Variants in CACNG2 observed in about 807,000 individuals in gnomAD.
CACNG2 encodes voltage-dependent calcium channel gamma-2 subunit.
CACNG2 carries 3 observed loss-of-function variants against 25.9 expected under a neutral mutation model. That is an observed-to-expected ratio of 0.12 (90% CI 0.05 to 0.30). The LOEUF (loss-of-function observed/expected upper bound fraction) is 0.30. Ranked by LOEUF, CACNG2 falls within the 10% of genes least tolerant of loss-of-function variation. The pLI, the probability that CACNG2 is intolerant of heterozygous loss-of-function variation, is 1.00. For missense variants in CACNG2, 341 were observed against 432.5 expected, an observed-to-expected ratio of 0.79 and a Z score of 1.88; for synonymous variants, 167 against 173.3, an observed-to-expected ratio of 0.96 and a Z score of 0.29.
intron 1 of CACNG2, among the ~76,000 whole-genome samples, chr22:36,657,767 G>T (rs73884126): frequency 0.1 from 14,555 of 146,190 alleles, 2,324 homozygotes; most frequent in African/African-American, 0.34. Flanking sequence ...AGGTCTGTGT[G>T]TTTCCTTTGC....
At chr22:36,657,538 C>G (rs1436373511) in intron 1 of CACNG2, among the ~76,000 whole-genome samples, 3 of 152,010 alleles carry the variant, frequency 2.0e-5, no homozygotes, top group Non-Finnish European at 4.4e-5. Context: ...GCCGGAATTG[C>G]TTTTATTGGA....
chr22:36,673,441 C>T (rs998368834), intron 1 of CACNG2, among the ~76,000 whole-genome samples: 4 of 152,156 alleles, frequency 2.6e-5, no homozygotes, highest in Non-Finnish European at 5.9e-5. Context: ...GTGGATGGTA[C>T]CTTGCCTATG....
chr22:36,651,533 A>ACAAG (rs1936615478), intron 1 of CACNG2, among the ~76,000 whole-genome samples: 2 of 151,660 alleles, frequency 1.3e-5, no homozygotes, highest in Admixed American at 6.6e-5. Flanking sequence ...CTGGCCAATA[A>ACAAG]TTTCTTATTC....
At position 36,660,804 on chromosome 22, in the gene CACNG2, C is replaced by T. The variant is rs369730094; in HGVS notation, c.211+41562G>A. On this transcript the variant is annotated intron_variant, in intron 1 of 3. Transcript: ENST00000300105. ...GCCCAGAGCCTTCCCTCATCCCAGTCCTCACTCACAACCTACTCTGCTAAA... is the reference window on the plus strand; with the variant it reads ...GCCCAGAGCCTTCCCTCATCCCAGTTCTCACTCACAACCTACTCTGCTAAA... 2.6e-4 allele frequency among the ~76,000 whole-genome samples: 39 copies of T among 152,374 alleles called. No individual in the cohort carries two copies. In the South Asian group the frequency reaches 7.9e-3, roughly 31 times the overall value.
intron 1 of CACNG2, among the ~76,000 whole-genome samples, chr22:36,659,043 T>G (rs914774090): frequency 5.9e-5 from 9 of 151,928 alleles, no homozygotes; most frequent in Non-Finnish European, 1.3e-4. Flanking sequence ...AGCATTGGAG[T>G]CAGAGGAGGA....
intron 1 of CACNG2, among the ~76,000 whole-genome samples, chr22:36,695,597 C>T (rs1018364257): frequency 6.6e-6 from 1 of 151,462 alleles, no homozygotes; most frequent in Non-Finnish European, 1.5e-5. Context: ...CTGGAATGTC[C>T]TTTCTTCCTC....
chr22:36,573,706 G>A (rs1013058052), intron 2 of CACNG2, among the ~76,000 whole-genome samples: 2 of 152,174 alleles, frequency 1.3e-5, no homozygotes, highest in Admixed American at 1.3e-4. Flanking sequence ...ATTTGTTCAA[G>A]ATTTGTGAAT....
chr22:36,597,254 C>T (rs1358723460), intron 1 of CACNG2, among the ~76,000 whole-genome samples: 6 of 152,142 alleles, frequency 3.9e-5, no homozygotes, highest in Non-Finnish European at 8.8e-5. Flanking sequence ...GAGCTCATGA[C>T]CTCAGGTAAT....
chr22:36,573,648 T>C (rs1027871931), intron 2 of CACNG2, among the ~76,000 whole-genome samples: 2 of 152,288 alleles, frequency 1.3e-5, no homozygotes, highest in Admixed American at 1.3e-4. Context: ...GGTATTTTAA[T>C]TATCCCCACT....
At chr22:36,653,219 G>T (rs1196504084) in intron 1 of CACNG2, among the ~76,000 whole-genome samples, 1 of 152,190 alleles carries the variant, frequency 6.6e-6, no homozygotes, top group African/African-American at 2.4e-5. Flanking sequence ...AGCTACTTGG[G>T]AGGCTGAGGC....
chr22:36,626,864 A>G (rs1186523256), intron 1 of CACNG2, among the ~76,000 whole-genome samples: 7 of 152,256 alleles, frequency 4.6e-5, no homozygotes, highest in African/African-American at 1.7e-4. Context: ...AAAGATGGTC[A>G]GTATAGTATG....
At chr22:36,569,064 C>G (rs890655772) in intron 2 of CACNG2, among the ~76,000 whole-genome samples, 1 of 152,152 alleles carries the variant, frequency 6.6e-6, no homozygotes, top group Non-Finnish European at 1.5e-5. Flanking sequence ...CCACGCGTGA[C>G]AGACATGCAT....
At position 36,688,102 on chromosome 22, in the gene CACNG2, A is replaced by G. The variant is rs73417610; in HGVS notation, c.211+14264T>C. On this transcript the variant is annotated intron_variant, in intron 1 of 3. Coordinates refer to ENST00000300105, the MANE Select transcript of CACNG2 (RefSeq NM_006078.5). ...ATGAGAATCCTAACACCCATGTTAC[A>G]GAGTGCAGTGCAGCCAGGGAAGGTG... 3.7e-3 allele frequency among the ~76,000 whole-genome samples: 560 copies of G among 152,294 alleles called. 5 individuals are homozygous for G. Among genetic ancestry groups the G allele is most frequent in the African/African-American group, 0.013 (534 of 41,546 alleles).
rs113760622 is a variant in CACNG2, at chr22:36,593,592, T to C, written c.212-6044A>G. Among the ~76,000 whole-genome samples the C allele has an allele frequency of 1.2e-3, 177 of 152,212 alleles. 2 individuals are homozygous for C. Among genetic ancestry groups the C allele is most frequent in the African/African-American group, 1.7e-3 (71 of 41,526 alleles). ...GAGCAAGGACAGAATGGGGGGATTC[T>C]GCTGGCACTGTGACCTAAATTCTAG... is the stretch of plus-strand genomic sequence containing the variant. On this transcript the variant is annotated intron_variant, in intron 1 of 3. Transcript: ENST00000300105.
At chr22:36,643,857 T>A (rs1385927990) in intron 1 of CACNG2, among the ~76,000 whole-genome samples, 1 of 152,222 alleles carries the variant, frequency 6.6e-6, no homozygotes, top group Non-Finnish European at 1.5e-5. Context: ...TCAGTTACCA[T>A]TATTAGCTCC....
chr22:36,607,668 A>G (rs542589614), intron 1 of CACNG2, among the ~76,000 whole-genome samples: 1 of 140,520 alleles, frequency 7.1e-6, no homozygotes, highest in Admixed American at 7.1e-5. Context: ...ACGAGGACCC[A>G]CAGGCCTGAG....
chr22:36,626,751 A>G (rs1462310683), intron 1 of CACNG2, among the ~76,000 whole-genome samples: 1 of 152,234 alleles, frequency 6.6e-6, no homozygotes, highest in Non-Finnish European at 1.5e-5. Context: ...TCCAAGCAGA[A>G]AAGTCCCAGT....
intron 2 of CACNG2, among the ~76,000 whole-genome samples, chr22:36,571,300 T>C (rs1397369230): frequency 6.6e-6 from 1 of 151,496 alleles, no homozygotes; most frequent in Admixed American, 6.6e-5. Context: ...CTACTAAAAA[T>C]ACAAAAATTA....
intron 1 of CACNG2, among the ~76,000 whole-genome samples, chr22:36,694,301 G>A (rs568935647): frequency 1.3e-5 from 2 of 152,278 alleles, no homozygotes; most frequent in South Asian, 4.1e-4. Flanking sequence ...GTTTTTGGTA[G>A]ACAGGTCATT....
Sources: gnomAD v4.1 joint callset for allele counts (sites outside exome capture counted in the v4.1 genomes callset) on GRCh38, gnomAD v4.1.1 for gene constraint, MANE v1.5 for transcripts, NCBI Gene and HGNC (gene_info 2026-07-23, HGNC 2026-07-21) for gene names.